DGKB: variants seen among roughly 807,000 people sequenced by gnomAD.
The protein encoded by DGKB is 90 kDa diacylglycerol kinase.
DGKB carries 67 observed loss-of-function variants against 114.3 expected under a neutral mutation model. That is an observed-to-expected ratio of 0.59 (90% CI 0.48 to 0.72). The LOEUF (loss-of-function observed/expected upper bound fraction) is 0.72. DGKB is among the 30% of genes least tolerant of loss of function. DGKB has a pLI of 0.00. For synonymous variants in DGKB, 398 were observed against 323.1 expected (o/e 1.23, Z -2.49); for missense variants, 907 against 975.2 (o/e 0.93, Z 0.93).
intron 23 of DGKB, among the ~76,000 whole-genome samples, chr7:14,218,942 T>C (rs1005681554): frequency 3.3e-5 from 5 of 151,818 alleles, no homozygotes; most frequent in African/African-American, 1.2e-4. Flanking sequence ...CAGTCCACTA[T>C]TCTCCCAGCA....
intron 16 of DGKB, among the ~76,000 whole-genome samples, chr7:14,612,590 C>T (rs1805758997): frequency 6.6e-6 from 1 of 152,042 alleles, no homozygotes; most frequent in Admixed American, 6.6e-5. Context: ...ATTTGGTGAG[C>T]CACAAAGGAA....
At chr7:14,462,848 A>C (rs977159437) in intron 21 of DGKB, among the ~76,000 whole-genome samples, 5 of 152,216 alleles carry the variant, frequency 3.3e-5, no homozygotes, top group African/African-American at 1.2e-4. Context: ...ACTATATGAC[A>C]AGGCTACAGT....
intron 23 of DGKB, among the ~76,000 whole-genome samples, chr7:14,245,093 T>G (rs1201046455): frequency 6.6e-6 from 1 of 152,062 alleles, no homozygotes; most frequent in East Asian, 1.9e-4. Flanking sequence ...ATGTCATGAG[T>G]AAATCTCCCC....
At chr7:14,324,630 A>G (rs1808410534) in intron 23 of DGKB, among the ~76,000 whole-genome samples, 1 of 152,146 alleles carries the variant, frequency 6.6e-6, no homozygotes, top group Admixed American at 6.5e-5. Flanking sequence ...AGGTGGCAAA[A>G]AAACAATAAT....
intron 17 of DGKB, among the ~76,000 whole-genome samples, chr7:14,584,595 T>A (rs1378273718): frequency 6.6e-6 from 1 of 152,168 alleles, no homozygotes; most frequent in East Asian, 1.9e-4. Flanking sequence ...ATGCGTAACC[T>A]GTCCTATGAA....
intron 25 of DGKB, among the ~76,000 whole-genome samples, chr7:14,167,815 A>G (rs978832985): frequency 2.6e-5 from 4 of 152,216 alleles, no homozygotes; most frequent in African/African-American, 4.8e-5. Flanking sequence ...ACTACCTGCT[A>G]AAATAGTAAC....
chr7:14,839,803 TTGAC>T (rs756015493), intron 2 of DGKB, among the ~76,000 whole-genome samples: 3 of 152,216 alleles, frequency 2.0e-5, no homozygotes, highest in Non-Finnish European at 4.4e-5. Flanking sequence ...TTTATTATTA[TTGAC>T]TCAGTCAATA....
At chr7:14,901,767 G>C (rs1260459909) in intron 1 of DGKB, among the ~76,000 whole-genome samples, 1 of 152,018 alleles carries the variant, frequency 6.6e-6, no homozygotes, top group Non-Finnish European at 1.5e-5. Flanking sequence ...TTGGTCATTT[G>C]CTTTACAATG....
intron 20 of DGKB, among the ~76,000 whole-genome samples, chr7:14,562,914 G>C (rs1379227698): frequency 6.6e-6 from 1 of 152,110 alleles, no homozygotes; most frequent in Non-Finnish European, 1.5e-5. Flanking sequence ...ATTTGGGAGG[G>C]ACCAATAGTG....
chr7:14,351,875 C>CT (rs141734628), intron 21 of DGKB, among the ~76,000 whole-genome samples: 2,289 of 152,158 alleles, frequency 0.015, 53 homozygotes, highest in African/African-American at 0.052. Flanking sequence ...TAAACTCAGG[C>CT]TTTTTTGTTC....
intron 21 of DGKB, among the ~76,000 whole-genome samples, chr7:14,363,045 C>A (rs767240158): frequency 6.6e-6 from 1 of 152,080 alleles, no homozygotes; most frequent in Non-Finnish European, 1.5e-5. Flanking sequence ...TGTCATGAGA[C>A]CTCCATGTTA....
At chr7:14,960,819 A>G (rs1786800474) in intron 1 of DGKB, among the ~76,000 whole-genome samples, 1 of 152,092 alleles carries the variant, frequency 6.6e-6, no homozygotes, top group Non-Finnish European at 1.5e-5. Context: ...CATTTATCTT[A>G]TCTTCCTCCC....
intron 1 of DGKB, among the ~76,000 whole-genome samples, chr7:14,854,772 C>T (rs530307671): frequency 2.8e-4 from 43 of 152,032 alleles, no homozygotes; most frequent in South Asian, 4.1e-4. Context: ...GTTGTTAGTA[C>T]GAGCTATGAT....
At chr7:14,734,513 C>T (rs956921610) in intron 5 of DGKB, among the ~76,000 whole-genome samples, 5 of 152,046 alleles carry the variant, frequency 3.3e-5, no homozygotes, top group African/African-American at 1.2e-4. Context: ...TTTGAATGTA[C>T]AGTGAAGTTT....
chr7:14,365,091 T>C (rs955892917), intron 21 of DGKB, among the ~76,000 whole-genome samples: 1 of 151,778 alleles, frequency 6.6e-6, no homozygotes, highest in African/African-American at 2.4e-5. Context: ...AGTCAACATC[T>C]TGGGGGTAGG....
At chr7:14,761,797 A>G (rs1365374070) in intron 2 of DGKB, among the ~76,000 whole-genome samples, 1 of 152,126 alleles carries the variant, frequency 6.6e-6, no homozygotes, top group East Asian at 1.9e-4. Context: ...GTAATGGGAG[A>G]AAGAACCTGG....
At chr7:14,153,635 GC>G (rs2128215787) in intron 25 of DGKB, among the ~76,000 whole-genome samples, 1 of 152,098 alleles carries the variant, frequency 6.6e-6, no homozygotes, top group Admixed American at 6.6e-5. Flanking sequence ...GCCCTAGAGA[GC>G]ATTCCCTCTC....
At chr7:14,499,227 C>T (rs577743934) in intron 20 of DGKB, among the ~76,000 whole-genome samples, 148 of 151,674 alleles carry the variant, frequency 9.8e-4, no homozygotes, top group Non-Finnish European at 1.8e-3. Flanking sequence ...CCTTTTACTG[C>T]TTTTTGCCCA....
rs191649326 is a variant in DGKB at position 14,163,416 on chromosome 7, C to T, written c.2304+13423G>A. Among the ~76,000 whole-genome samples the T allele has an allele frequency of 5.8e-4, 89 of 152,242 alleles. No individual in the cohort carries two copies. The Middle Eastern group carries it at 0.01, about 18-fold the overall frequency. Reference sequence around the variant, plus strand: ...ACCAAACTAATTAATGCATAAGTAACAGGGGAACACACAAAATAATGTCCA... The same window carrying T: ...ACCAAACTAATTAATGCATAAGTAATAGGGGAACACACAAAATAATGTCCA... On this transcript the variant is annotated intron_variant, in intron 25 of 25. Transcript: ENST00000402815.
Sources: gnomAD v4.1 joint callset for allele counts (sites outside exome capture counted in the v4.1 genomes callset) on GRCh38, gnomAD v4.1.1 for gene constraint, MANE v1.5 for transcripts, NCBI Gene and HGNC (gene_info 2026-07-23, HGNC 2026-07-21) for gene names.